Variants in SPAG16 observed in about 807,000 individuals in gnomAD.
SPAG16 encodes sperm associated antigen 16, also known as sperm-associated antigen 16 protein.
A neutral mutation model predicts 80.4 loss-of-function variants in SPAG16; 86 were observed. The ratio of observed to expected loss-of-function variants is 1.07; its 90% confidence interval spans 0.90 to 1.28. SPAG16 has a LOEUF of 1.28. Among genes scored for constraint, SPAG16 ranks in the 50% most tolerant of loss-of-function variants. SPAG16 has a pLI of 0.00. For missense variants in SPAG16, 870 were observed against 765.3 expected, an observed-to-expected ratio of 1.14 and a Z score of -1.61; for synonymous variants, 294 against 265.9, an observed-to-expected ratio of 1.11 and a Z score of -1.03.
At chr2:214,275,042 G>A (rs1692355468) in intron 15 of SPAG16, among the ~76,000 whole-genome samples, 1 of 152,078 alleles carries the variant, frequency 6.6e-6, no homozygotes, top group Admixed American at 6.5e-5. Context: ...TATATGTCCA[G>A]GAATTTATCT....
At chr2:213,646,187 G>A (rs1264851673) in intron 10 of SPAG16, among the ~76,000 whole-genome samples, 3 of 152,084 alleles carry the variant, frequency 2.0e-5, no homozygotes, top group Non-Finnish European at 4.4e-5. Flanking sequence ...CTCTTTCGAC[G>A]ATACAAAGTT....
intron 15 of SPAG16, among the ~76,000 whole-genome samples, chr2:214,271,592 G>A (rs546489154): frequency 2.6e-5 from 4 of 152,274 alleles, no homozygotes; most frequent in African/African-American, 9.6e-5. Context: ...CCTGAGGTCA[G>A]GAGTTTGAGA....
intron 10 of SPAG16, among the ~76,000 whole-genome samples, chr2:213,496,172 G>C (rs1029791431): frequency 2.0e-5 from 3 of 152,130 alleles, no homozygotes; most frequent in Admixed American, 6.6e-5. Flanking sequence ...AAAGTATAAG[G>C]TTTCCTGGAG....
At chr2:213,316,624 A>G (rs2063410764) in intron 4 of SPAG16, among the ~76,000 whole-genome samples, 1 of 151,948 alleles carries the variant, frequency 6.6e-6, no homozygotes. Context: ...CAGACACTCC[A>G]GGTACCCTGG....
chr2:213,351,766 C>G (rs765111555), intron 7 of SPAG16, among the ~76,000 whole-genome samples: 5 of 152,104 alleles, frequency 3.3e-5, no homozygotes, highest in Non-Finnish European at 5.9e-5. Flanking sequence ...AAATTCTTAG[C>G]TTCGAAAATG....
chr2:213,973,287 G>A (rs1659611518), intron 12 of SPAG16, among the ~76,000 whole-genome samples: 1 of 152,014 alleles, frequency 6.6e-6, no homozygotes, highest in Non-Finnish European at 1.5e-5. Context: ...TAGGCAGTCA[G>A]TTGTGTGTCT....
intron 15 of SPAG16, among the ~76,000 whole-genome samples, chr2:214,233,132 G>C (rs1461979324): frequency 6.6e-6 from 1 of 151,944 alleles, no homozygotes; most frequent in Non-Finnish European, 1.5e-5. Flanking sequence ...CAAAAAAAGG[G>C]GGGGCCATAA....
At chr2:213,555,163 A>G (rs757688546) in intron 10 of SPAG16, among the ~76,000 whole-genome samples, 1 of 152,224 alleles carries the variant, frequency 6.6e-6, no homozygotes, top group African/African-American at 2.4e-5. Context: ...CTTATAGTCC[A>G]TGACTAAATG....
intron 8 of SPAG16, chr2:213,365,055 A>C (rs536693792): frequency 6.6e-6 from 1 of 152,340 alleles, no homozygotes; most frequent in East Asian, 1.9e-4. Flanking sequence ...ACCCTAACGA[A>C]GCATAAAATT....
chr2:214,331,312 C>T (rs925337506), intron 15 of SPAG16, among the ~76,000 whole-genome samples: 5 of 152,146 alleles, frequency 3.3e-5, no homozygotes. Context: ...TCCTGATCAT[C>T]AAGGTCAGTT....
At chr2:213,669,162 T>G (rs1346817606) in intron 10 of SPAG16, among the ~76,000 whole-genome samples, 3 of 152,202 alleles carry the variant, frequency 2.0e-5, no homozygotes, top group Admixed American at 1.3e-4. Context: ...AAACTAAAGT[T>G]GAGAATCTTT....
intron 13 of SPAG16, among the ~76,000 whole-genome samples, chr2:214,106,248 T>G (rs1323502475): frequency 1.3e-5 from 2 of 152,142 alleles, no homozygotes; most frequent in African/African-American, 2.4e-5. Context: ...ACCAAAAAAT[T>G]TCTAAGATAA....
chr2:213,552,255 T>C (rs558830939), intron 10 of SPAG16, among the ~76,000 whole-genome samples: 16 of 152,324 alleles, frequency 1.1e-4, no homozygotes, highest in African/African-American at 2.4e-4. Context: ...AAATGAGCAT[T>C]AATTTTACAT....
At chr2:213,558,989 C>A (rs1364511311) in intron 10 of SPAG16, among the ~76,000 whole-genome samples, 1 of 152,008 alleles carries the variant, frequency 6.6e-6, no homozygotes, top group Non-Finnish European at 1.5e-5. Context: ...ATCATAATGG[C>A]ATAATTACAT....
intron 9 of SPAG16, among the ~76,000 whole-genome samples, chr2:213,423,381 G>C (rs1395447553): frequency 6.6e-6 from 1 of 152,134 alleles, no homozygotes; most frequent in Admixed American, 6.5e-5. Flanking sequence ...ATAGGGTTAG[G>C]TTACCTTAAA....
chr2:213,971,509 G>C (rs2045053299), intron 12 of SPAG16, among the ~76,000 whole-genome samples: 1 of 151,136 alleles, frequency 6.6e-6, no homozygotes, highest in South Asian at 2.1e-4. Flanking sequence ...GTAACACACA[G>C]TTTTCCATTT....
At chr2:214,253,297 C>G (rs1277469849) in intron 15 of SPAG16, among the ~76,000 whole-genome samples, 1 of 151,968 alleles carries the variant, frequency 6.6e-6, no homozygotes, top group Non-Finnish European at 1.5e-5. Context: ...TGCAGAAGTT[C>G]TTTAGTTTAA....
chr2:213,944,038 G>C (rs1259765089), intron 12 of SPAG16, among the ~76,000 whole-genome samples: 1 of 152,216 alleles, frequency 6.6e-6, no homozygotes, highest in Non-Finnish European at 1.5e-5. Context: ...GTCATTTTCA[G>C]AGTTTATCAG....
At chr2:213,949,179 T>TTTTTTGTTTTTTTTTTTTTTGTTTTG (rs2079609920) in intron 12 of SPAG16, among the ~76,000 whole-genome samples, 3 of 36,244 alleles carry the variant, frequency 8.3e-5, no homozygotes, top group East Asian at 1.0e-3. Context: ...GTTTTTTTTT[T>TTTTTTGTTTTTTTTTTTTTTGTTTTG]TTTTTTTTTT....
Sources: gnomAD v4.1 joint callset for allele counts (sites outside exome capture counted in the v4.1 genomes callset) on GRCh38, gnomAD v4.1.1 for gene constraint, MANE v1.5 for transcripts, NCBI Gene and HGNC (gene_info 2026-07-23, HGNC 2026-07-21) for gene names.